COL23A1: variants seen among roughly 807,000 people sequenced by gnomAD.
The protein encoded by COL23A1 is collagen type XXIII alpha 1 chain, also known as collagen alpha-1(XXIII) chain.
A neutral mutation model predicts 99.3 loss-of-function variants in COL23A1; 97 were observed. The observed-to-expected ratio is 0.98, with a 90% CI of 0.83 to 1.16. COL23A1 has a LOEUF of 1.16. COL23A1 is among the 50% of genes most tolerant of loss of function. The pLI is 0.00. For synonymous variants in COL23A1, 320 were observed against 308.2 expected (o/e 1.04, Z -0.40); for missense variants, 762 against 757.4 (o/e 1.01, Z -0.07).
rs561708772 is a variant in COL23A1, at chr5:178,310,240, G to A, written c.362-3321C>T. ...GCTTCCACCAACAGAGAGGCCAGGC[G>A]GGCTTGGAGACTGGATTGCAGGAGC... On this transcript the variant is annotated intron_variant, in intron 2 of 28. Coordinates refer to ENST00000390654, the MANE Select transcript of COL23A1 (RefSeq NM_173465.4). The surrounding 1 kb of genome is among the most constrained non-coding windows in gnomAD (Gnocchi z 4.3). Among the ~76,000 whole-genome samples, 23 of 152,248 alleles carry A rather than the reference G, an allele frequency of 1.5e-4. No homozygotes were observed. Among genetic ancestry groups the A allele is most frequent in the Admixed American group, 6.5e-4 (10 of 15,298 alleles).
In COL23A1 at chr5:178,313,194, AG is replaced by A. The variant is rs894969715; in HGVS notation, c.362-6276del. On this transcript the variant is annotated intron_variant, in intron 2 of 28. Transcript: ENST00000390654. The surrounding 1 kb of genome is among the most constrained non-coding windows in gnomAD (Gnocchi z 4.2). ...GGGGGTGCCATCGGTGGGCTGGGCTAGGGGAGGCGAGACTGGGAAGTCGGTG... is the reference window on the plus strand; with the variant it reads ...GGGGGTGCCATCGGTGGGCTGGGCTAGGGAGGCGAGACTGGGAAGTCGGTG... 6.6e-6 allele frequency among the ~76,000 whole-genome samples: 1 copy of A among 152,086 alleles called. No individual in the cohort carries two copies. Among genetic ancestry groups the A allele is most frequent in the Admixed American group, 6.5e-5 (1 of 15,268 alleles).
chr5:178,251,975 G>A (rs1017717577), intron 17 of COL23A1, among the ~76,000 whole-genome samples: 4 of 146,608 alleles, frequency 2.7e-5, no homozygotes, highest in African/African-American at 5.1e-5. Context: ...GTTCAGTGGC[G>A]CAATCTTGGC....
chr5:178,360,980 C>T (rs1026210352), intron 2 of COL23A1, among the ~76,000 whole-genome samples: 64 of 152,334 alleles, frequency 4.2e-4, no homozygotes, highest in African/African-American at 1.5e-3. Flanking sequence ...TTGGACTTGG[C>T]AAACAGGGCT....
intron 1 of COL23A1, among the ~76,000 whole-genome samples, chr5:178,585,469 G>A (rs187791): frequency 2.1e-5 from 2 of 94,076 alleles, no homozygotes; most frequent in African/African-American, 8.0e-5. Flanking sequence ...GGTTGATGCT[G>A]GGGGTAACAC....
chr5:178,372,330 T>C (rs989665331), intron 2 of COL23A1, among the ~76,000 whole-genome samples: 4 of 152,366 alleles, frequency 2.6e-5, no homozygotes, highest in Admixed American at 2.0e-4. Context: ...GTTTTCTGTT[T>C]CTTATTAAAG....
chr5:178,405,418 A>G (rs1227074838), intron 2 of COL23A1, among the ~76,000 whole-genome samples: 1 of 152,264 alleles, frequency 6.6e-6, no homozygotes, highest in African/African-American at 2.4e-5. Context: ...AGGAGATTGT[A>G]AATCTCCAGA....
At chr5:178,402,828 A>T (rs113812982) in intron 2 of COL23A1, among the ~76,000 whole-genome samples, 9 of 152,348 alleles carry the variant, frequency 5.9e-5, no homozygotes, top group African/African-American at 2.2e-4. Context: ...CCAAATATGT[A>T]CATCTGTTAT....
At chr5:178,244,324 C>T (rs903109245) in intron 25 of COL23A1, among the ~76,000 whole-genome samples, 1 of 152,132 alleles carries the variant, frequency 6.6e-6, no homozygotes, top group African/African-American at 2.4e-5. Flanking sequence ...GGGTGGGCAC[C>T]AGAGTCCTTG....
chr5:178,443,873 A>G (rs1767017990), intron 2 of COL23A1, among the ~76,000 whole-genome samples: 1 of 152,126 alleles, frequency 6.6e-6, no homozygotes, highest in African/African-American at 2.4e-5. Context: ...GTCATCTAAC[A>G]TATGGCCACT....
At chr5:178,585,397 GACT>G (rs879589694) in intron 1 of COL23A1, among the ~76,000 whole-genome samples, 12,017 of 146,016 alleles carry the variant, frequency 0.082, 935 homozygotes, top group East Asian at 0.31. Flanking sequence ...CCGCGGCCCT[GACT>G]GATGTGTGGG....
intron 2 of COL23A1, among the ~76,000 whole-genome samples, chr5:178,318,624 G>A (rs537566961): frequency 1.3e-4 from 20 of 152,352 alleles, no homozygotes; most frequent in Admixed American, 3.9e-4. Flanking sequence ...GCTTTCGGCC[G>A]GGCGCGGTGG....
chr5:178,246,984 G>A (rs1372355596), intron 22 of COL23A1, among the ~76,000 whole-genome samples: 2 of 152,210 alleles, frequency 1.3e-5, no homozygotes, highest in South Asian at 2.1e-4. Context: ...CACGCCAGGA[G>A]GGTGGTGTGA....
chr5:178,267,981 G>A (rs1291792295), intron 7 of COL23A1, among the ~76,000 whole-genome samples: 2 of 152,226 alleles, frequency 1.3e-5, no homozygotes, highest in Non-Finnish European at 2.9e-5. Context: ...TGGTGGTGGA[G>A]CTGGAATGCA....
At chr5:178,368,984 C>T (rs1006926461) in intron 2 of COL23A1, among the ~76,000 whole-genome samples, 10 of 152,256 alleles carry the variant, frequency 6.6e-5, no homozygotes, top group African/African-American at 2.2e-4. Context: ...AAATGAATGA[C>T]TGCTCAGTGT....
chr5:178,267,273 G>A (rs1329704784), intron 8 of COL23A1, 34 bp downstream of exon 8: 2 of 1,612,402 alleles, frequency 1.2e-6, no homozygotes, highest in Admixed American at 1.7e-5. Context: ...AACAAACCAT[G>A]TGGGCAGTGA....
intron 5 of COL23A1, among the ~76,000 whole-genome samples, chr5:178,285,082 G>C (rs1757083569): frequency 1.3e-5 from 2 of 152,242 alleles, no homozygotes; most frequent in South Asian, 4.1e-4. Context: ...TCTGTACACG[G>C]AGGGCATGGA....
chr5:178,419,108 C>T (rs961227532), intron 2 of COL23A1, among the ~76,000 whole-genome samples: 10 of 152,188 alleles, frequency 6.6e-5, no homozygotes, highest in Admixed American at 4.6e-4. Flanking sequence ...GGCGTTGGCA[C>T]TCGCTTTTAA....
chr5:178,345,142 C>T (rs560040447), intron 2 of COL23A1: 16 of 638,668 alleles, frequency 2.5e-5, no homozygotes, highest in Middle Eastern at 2.8e-4. Context: ...AGTTCAATCT[C>T]TTGGCACATT....
At chr5:178,299,003 G>A (rs1318171584) in intron 3 of COL23A1, among the ~76,000 whole-genome samples, 3 of 152,176 alleles carry the variant, frequency 2.0e-5, no homozygotes, top group Admixed American at 6.5e-5. Context: ...AACCAACATT[G>A]AATTTTTGGG....
Sources: gnomAD v4.1 joint callset for allele counts (sites outside exome capture counted in the v4.1 genomes callset) on GRCh38, gnomAD v4.1.1 for gene constraint, Gnocchi (gnomAD v3.1) non-coding constraint, MANE v1.5 for transcripts, NCBI Gene and HGNC (gene_info 2026-07-23, HGNC 2026-07-21) for gene names.